TMEM192: variants seen among roughly 807,000 people sequenced by gnomAD.
TMEM192 encodes the protein transmembrane protein 192.
A neutral mutation model predicts 26.7 loss-of-function variants in TMEM192; 20 were observed. That is an observed-to-expected ratio of 0.75 (90% CI 0.53 to 1.09). TMEM192 has a LOEUF of 1.09. Among genes scored for constraint, TMEM192 ranks in the 50% least tolerant of loss-of-function variants. The pLI is 0.00. For synonymous variants in TMEM192, 124 were observed against 121.0 expected, an observed-to-expected ratio of 1.02 and a Z score of -0.16; for missense variants, 304 against 322.6, an observed-to-expected ratio of 0.94 and a Z score of 0.44.
chr4:165,072,323 G>A lies in TMEM192; in HGVS notation c.*7335C>T, dbSNP rs1734288457. The A allele has an allele frequency of 6.6e-6, 1 of 152,172 alleles. No individual in the cohort carries two copies. The highest frequency in any genetic ancestry group is 1.5e-5 in the Non-Finnish European group (1 of 68,080). 9.4% of individuals were successfully genotyped at this position (152,172 alleles called of 1,614,324 possible). A position where few individuals can be genotyped will look rare whatever the true frequency, so the allele number is the denominator to read the frequency against. Reference sequence around the variant, plus strand: ...TAATTGCAGCACTTTGGGAGGCCAAGGCGGGTGGATGACCTGAGGTCCGGA... The same window carrying A: ...TAATTGCAGCACTTTGGGAGGCCAAAGCGGGTGGATGACCTGAGGTCCGGA... On this transcript the variant is annotated 3_prime_UTR_variant, in exon 6 of 6. Transcript: ENST00000306480.
At position 165,079,495 on chromosome 4, in the gene TMEM192, A is replaced by G; in HGVS notation, c.*163T>C. ...TTTTCAAGTGACCCACAAGCCCTAT[A>G]TTTTAAACAGCCACAGAAGTCAGAA... On this transcript the variant is annotated 3_prime_UTR_variant, in exon 6 of 6. Coordinates refer to ENST00000306480, the MANE Select transcript of TMEM192 (RefSeq NM_001100389.2). The G allele has an allele frequency of 1.5e-6, 1 of 688,112 alleles. No individual in the cohort carries two copies. Among genetic ancestry groups the G allele is most frequent in the Non-Finnish European group, 2.2e-6 (1 of 444,678 alleles). 42.6% of individuals were successfully genotyped at this position (688,112 alleles called of 1,614,324 possible).
chr4:165,095,415 G>A (rs909312364), intron 3 of TMEM192, among the ~76,000 whole-genome samples: 4 of 152,174 alleles, frequency 2.6e-5, no homozygotes, highest in Non-Finnish European at 5.9e-5. Flanking sequence ...ACCAGGCCCA[G>A]ACATCAGTGA....
At chr4:165,099,102 CTTT>C (rs1160535314) in intron 3 of TMEM192, among the ~76,000 whole-genome samples, 2 of 126,182 alleles carry the variant, frequency 1.6e-5, no homozygotes, top group Non-Finnish European at 3.3e-5. Context: ...TTTTTTCTTT[CTTT>C]TTTTTTTTTT....
At chr4:165,108,559 G>C (rs576117577) in intron 1 of TMEM192, among the ~76,000 whole-genome samples, 2 of 152,170 alleles carry the variant, frequency 1.3e-5, no homozygotes, top group Non-Finnish European at 2.9e-5. Flanking sequence ...AGACCTTTCT[G>C]AGTACTCTAC....
chr4:165,080,103 A>G (rs1198605568), intron 5 of TMEM192, among the ~76,000 whole-genome samples: 7 of 152,334 alleles, frequency 4.6e-5, no homozygotes, highest in South Asian at 2.1e-4. Flanking sequence ...TAAGTAATCA[A>G]CTTAAATGGC....
intron 5 of TMEM192, among the ~76,000 whole-genome samples, chr4:165,080,176 C>T (rs1369572521): frequency 6.6e-6 from 1 of 152,140 alleles, no homozygotes; most frequent in Admixed American, 6.6e-5. Flanking sequence ...ATAGACTACT[C>T]TGACCATGGG....
chr4:165,094,446 T>C (rs766246529), intron 3 of TMEM192, among the ~76,000 whole-genome samples: 5 of 151,988 alleles, frequency 3.3e-5, no homozygotes, highest in Non-Finnish European at 5.9e-5. Context: ...GCTCCTGAGG[T>C]CGAAAGTTCA....
rs1362824690 is a variant in TMEM192, at chr4:165,074,690, G to T, written c.*4968C>A. ...GAACTCCTGACCTCATGATCCGCCT[G>T]CCTCGGCCTCCCAAAGTGCTGGAAT... On this transcript the variant is annotated 3_prime_UTR_variant, in exon 6 of 6. Transcript: ENST00000306480. 6.6e-6 allele frequency: 1 copy of T among 151,844 alleles called. No individual in the cohort carries two copies. The highest frequency in any genetic ancestry group is 1.9e-4 in the East Asian group (1 of 5,156). The allele number at this position is 151,844 out of a possible 1,614,324, so 9.4% of individuals were successfully genotyped here. A position where few individuals can be genotyped will look rare whatever the true frequency, so the allele number is the denominator to read the frequency against.
At position 165,078,428 on chromosome 4, in the gene TMEM192, T is replaced by C. The variant is rs895516004; in HGVS notation, c.*1230A>G. The C allele has an allele frequency of 1.3e-4, 20 of 152,348 alleles. No homozygotes were observed. The highest frequency in any genetic ancestry group is 2.8e-4 in the Non-Finnish European group (19 of 68,034). The allele number at this position is 152,348 out of a possible 1,614,324, so 9.4% of individuals were successfully genotyped here. On this transcript the variant is annotated 3_prime_UTR_variant, in exon 6 of 6. Transcript: ENST00000306480. ...TGCTCTGAAAAATACTTCAGTTTTA[T>C]CTTCAGAATCAGATATGTTTAATAT...
intron 1 of TMEM192, among the ~76,000 whole-genome samples, chr4:165,104,221 T>C (rs1031487838): frequency 6.6e-6 from 1 of 152,094 alleles, no homozygotes; most frequent in African/African-American, 2.4e-5. Flanking sequence ...AAAAAGAATA[T>C]GGTTCATGGG....
At chr4:165,092,567 A>T (rs1454862764) in intron 3 of TMEM192, among the ~76,000 whole-genome samples, 1 of 151,704 alleles carries the variant, frequency 6.6e-6, no homozygotes, top group Admixed American at 6.6e-5. Flanking sequence ...ACCATTTTAA[A>T]CTCTTTTTGC....
At chr4:165,087,374 C>G (rs576805207) in intron 4 of TMEM192, among the ~76,000 whole-genome samples, 112 of 152,226 alleles carry the variant, frequency 7.4e-4, no homozygotes, top group Non-Finnish European at 1.4e-3. Context: ...AGAGACAGAG[C>G]TGAAAGACAG....
At chr4:165,099,365 C>T (rs67556835) in intron 3 of TMEM192, among the ~76,000 whole-genome samples, 2 of 151,948 alleles carry the variant, frequency 1.3e-5, no homozygotes, top group African/African-American at 4.8e-5. Flanking sequence ...GGATTACAGG[C>T]ATGAGCTACT....
chr4:165,104,593 C>T (rs903874764), intron 1 of TMEM192, among the ~76,000 whole-genome samples: 4 of 152,154 alleles, frequency 2.6e-5, no homozygotes, highest in Non-Finnish European at 5.9e-5. Context: ...TGCAGTGGCT[C>T]AATCTCGGCT....
At chr4:165,092,522 C>A (rs1191502542) in intron 3 of TMEM192, among the ~76,000 whole-genome samples, 2 of 152,152 alleles carry the variant, frequency 1.3e-5, no homozygotes, top group East Asian at 3.8e-4. Context: ...CACCCCCTAC[C>A]ACACACTCAG....
chr4:165,077,003 GT>G lies in TMEM192; in HGVS notation c.*2654del, dbSNP rs1230717427. 3.3e-5 allele frequency: 5 copies of G among 152,128 alleles called. No homozygotes were observed. The highest frequency in any genetic ancestry group is 1.2e-4 in the African/African-American group (5 of 41,424). The allele number at this position is 152,128 out of a possible 1,614,324, so 9.4% of individuals were successfully genotyped here. ...TTTAGTAAAGATGGGGTTTTACTATGTTGGCCAGGCTGGTCTTGAGCTCCTA... is the reference window on the plus strand; with the variant it reads ...TTTAGTAAAGATGGGGTTTTACTATGTGGCCAGGCTGGTCTTGAGCTCCTA... On this transcript the variant is annotated 3_prime_UTR_variant, in exon 6 of 6. Coordinates refer to ENST00000306480, the MANE Select transcript of TMEM192 (RefSeq NM_001100389.2).
At position 165,089,849 on chromosome 4, in the gene TMEM192, G is replaced by A. The variant is rs572185171; in HGVS notation, c.440-1247C>T. Among the ~76,000 whole-genome samples, 274 of 152,144 alleles carry A rather than the reference G, an allele frequency of 1.8e-3. 2 individuals carry two copies. The highest frequency in any genetic ancestry group is 3.4e-3 in the Non-Finnish European group (233 of 68,040). On this transcript the variant is annotated intron_variant, in intron 3 of 5. Transcript: ENST00000306480. ...AAAGCCCTGCACTTTGGAGTATGGT[G>A]TTCTGAATCCCAACAGGTATATTTG...
chr4:165,095,668 C>T (rs768724590), intron 3 of TMEM192, among the ~76,000 whole-genome samples: 9 of 152,134 alleles, frequency 5.9e-5, no homozygotes, highest in Non-Finnish European at 1.2e-4. Context: ...ACTGGACCCA[C>T]ATGATGGGTT....
rs746977861 is a variant in TMEM192, at chr4:165,070,849, C to T, written c.*8809G>A. ...GAAGTTAGTGACATTAATTCATCAA[C>T]GTATATTGAGTGCCTACTTTGTGCC... On this transcript the variant is annotated 3_prime_UTR_variant, in exon 6 of 6. Coordinates refer to ENST00000306480, the MANE Select transcript of TMEM192 (RefSeq NM_001100389.2). 37 of 152,154 alleles carry T rather than the reference C, an allele frequency of 2.4e-4. No homozygotes were observed. Among genetic ancestry groups the T allele is most frequent in the Non-Finnish European group, 4.6e-4 (31 of 68,038 alleles). 9.4% of individuals were successfully genotyped at this position (152,154 alleles called of 1,614,324 possible).
Sources: allele counts gnomAD v4.1 joint callset (sites outside exome capture counted in the v4.1 genomes callset), GRCh38; gene constraint gnomAD v4.1.1; transcripts MANE v1.5; gene names NCBI Gene and HGNC (gene_info 2026-07-23, HGNC 2026-07-21).